Variants in NPHP3 observed in about 807,000 individuals in gnomAD.
The protein encoded by NPHP3 is nephrocystin 3.
In NPHP3, 123 loss-of-function variants were observed where a neutral mutation model predicts 171.9. The ratio of observed to expected loss-of-function variants is 0.72; its 90% CI spans 0.62 to 0.83. NPHP3 has a LOEUF of 0.83. Ranked by LOEUF, NPHP3 falls within the 40% of genes least tolerant of loss-of-function variation. The pLI is 0.00. For synonymous variants in NPHP3, 558 were observed against 579.2 expected (o/e 0.96, Z 0.52); for missense variants, 1,506 against 1,591.9 (o/e 0.95, Z 0.92).
In NPHP3 at chr3:132,681,343, A is replaced by C. The variant is rs1302769544; in HGVS notation, c.*567T>G. Reference sequence around the variant, plus strand: ...AACTGGCACAATCTCAGCTCATAGCAACCTCCACTTGCTGAGTTCAAGCGA... The same window carrying C: ...AACTGGCACAATCTCAGCTCATAGCCACCTCCACTTGCTGAGTTCAAGCGA... On this transcript the variant is annotated 3_prime_UTR_variant, in exon 27 of 27. Coordinates refer to ENST00000337331, the MANE Select transcript of NPHP3 (RefSeq NM_153240.5). 2.6e-5 allele frequency: 4 copies of C among 152,274 alleles called. No individual in the cohort carries two copies. Among genetic ancestry groups the C allele is most frequent in the African/African-American group, 9.9e-5 (4 of 40,450 alleles). 9.4% of individuals were successfully genotyped at this position (152,274 alleles called of 1,614,324 possible). A position where few individuals can be genotyped will look rare whatever the true frequency, so the allele number is the denominator to read the frequency against.
rs1333576260 is a variant in NPHP3 at position 132,683,456 on chromosome 3, T to C, written c.3639A>G (p.Pro1213=). 6.2e-7 allele frequency: 1 copy of C among 1,613,300 alleles called. No individual in the cohort carries two copies. Among genetic ancestry groups the C allele is most frequent in the East Asian group, 2.2e-5 (1 of 44,810 alleles). ...AGGCAGTAGCTACACTAGGGTGCTT[T>C]GGGCCAAAAGATTTCTGTCGAATTT... The part of the protein sequence containing the change: ...AVEIRQKSFG[P]KHPSVATALV... The change falls in exon 25 of 27, where the codon CCA becomes CCG. Residue 1213 remains proline (P), a synonymous_variant. Transcript: ENST00000337331.
In NPHP3 at chr3:132,722,234, A is replaced by T; in HGVS notation, c.122T>A (p.Leu41Gln). The change falls in exon 1 of 27, where the codon CTG becomes CAG. Residue 41 changes from leucine to glutamine, a missense_variant. Transcript: ENST00000337331. Reference protein sequence around the residue: ...PVEVKPKARLLRNSFRRGAGA... With the variant: ...PVEVKPKARLQRNSFRRGAGA... ...CGCGCCTCGGCGGAACGAGTTGCGC[A>T]GCAGGCGGGCCTTGGGCTTCACCTC... 6.4e-7 allele frequency: 1 copy of T among 1,556,250 alleles called. No individual in the cohort carries two copies. The highest frequency in any genetic ancestry group is 8.6e-7 in the Non-Finnish European group (1 of 1,161,436).
At chr3:132,716,668 G>T (rs1940060452) in intron 4 of NPHP3, 89 bp downstream of exon 4, 1 of 1,405,412 alleles carries the variant, frequency 7.1e-7, no homozygotes. Flanking sequence ...TTCATGCTTT[G>T]CTAATGGTAT....
chr3:132,699,894 T>C, intron 12 of NPHP3, 24 bp downstream of exon 12: 2 of 1,612,238 alleles, frequency 1.2e-6, no homozygotes, highest in Non-Finnish European at 1.7e-6. Context: ...AGCATATCAA[T>C]AGGTAACAAA....
At chr3:132,703,909 T>C (rs530359429) in intron 9 of NPHP3, among the ~76,000 whole-genome samples, 2 of 152,314 alleles carry the variant, frequency 1.3e-5, no homozygotes, top group African/African-American at 4.8e-5. Context: ...TCAAGTTTCC[T>C]AGCTATCCTA....
chr3:132,707,983 C>T, intron 7 of NPHP3, 118 bp downstream of exon 7: 3 of 962,962 alleles, frequency 3.1e-6, no homozygotes, highest in African/African-American at 1.6e-5. Context: ...TTATCTGTTC[C>T]AGCCACACTG....
chr3:132,721,387 C>A, intron 1 of NPHP3: 1 of 177,518 alleles, frequency 5.6e-6, no homozygotes, highest in Non-Finnish European at 1.2e-5. Flanking sequence ...ATGTCAAGAC[C>A]ATTAAAATGC....
At chr3:132,692,437 T>C (rs758195288) in intron 17 of NPHP3, among the ~76,000 whole-genome samples, 1 of 152,250 alleles carries the variant, frequency 6.6e-6, no homozygotes, top group Admixed American at 6.5e-5. Flanking sequence ...ATTTTAAAAA[T>C]TGTATTGTGG....
chr3:132,692,615 T>C (rs752064214), intron 17 of NPHP3, 39 bp downstream of exon 17: 3 of 1,588,236 alleles, frequency 1.9e-6, no homozygotes, highest in Non-Finnish European at 2.6e-6. Flanking sequence ...ACCCTGTTTC[T>C]TAAATAAATA....
chr3:132,684,626 T>A lies in NPHP3; in HGVS notation c.3498A>T (p.Arg1166Ser). The change falls in exon 24 of 27, where the codon AGA (arginine) becomes AGT (serine). Residue 1166 changes from arginine (R) to serine (S), a missense_variant. Coordinates refer to ENST00000337331, the MANE Select transcript of NPHP3 (RefSeq NM_153240.5). ...AAGGGTGATCAGGAGCTAATGCACG[T>A]CTCCGAATATCTAAAGCTCTTTCAT... Reference protein sequence around the residue: ...ELYERALDIRRRALAPDHPSL... With the variant: ...ELYERALDIRSRALAPDHPSL... 1.2e-6 allele frequency: 2 copies of A among 1,614,050 alleles called. No individual in the cohort carries two copies. Among genetic ancestry groups the A allele is most frequent in the Non-Finnish European group, 1.7e-6 (2 of 1,179,928 alleles).
intron 12 of NPHP3, 35 bp from the exon 13 acceptor site, chr3:132,699,485 T>C: frequency 7.5e-7 from 1 of 1,329,002 alleles, no homozygotes; most frequent in African/African-American, 1.5e-5. Flanking sequence ...AATCTATTAA[T>C]CAAAATATTT....
chr3:132,694,855 T>A lies in NPHP3; in HGVS notation c.2282A>T (p.Asn761Ile). 6.2e-7 allele frequency: 1 copy of A among 1,613,708 alleles called. No homozygotes were observed. The change falls in exon 16 of 27, where the codon AAT becomes ATT. Residue 761 changes from asparagine to isoleucine, a missense_variant. Asn to Ile is a moderately radical substitution (Grantham distance 149, BLOSUM62 -3). This residue lies in a region of NPHP3 where 930 missense variants were observed against 924.9 expected (regional missense o/e 1.01). Coordinates refer to ENST00000337331, the MANE Select transcript of NPHP3 (RefSeq NM_153240.5). ...CTTCATTAGCTCTTTATCCACATCATTTGCCATGGACTCCCGGATAGAGTG... is the reference window on the plus strand; with the variant it reads ...CTTCATTAGCTCTTTATCCACATCAATTGCCATGGACTCCCGGATAGAGTG... Reference protein sequence around the residue: ...VLHSIRESMANDVDKELMKQI... With the variant: ...VLHSIRESMAIDVDKELMKQI...
chr3:132,699,782 T>C (rs1939557771), intron 12 of NPHP3, 136 bp downstream of exon 12: 1 of 950,008 alleles, frequency 1.1e-6, no homozygotes, highest in South Asian at 1.5e-5. Flanking sequence ...CCATGTTACC[T>C]CCCTAGAAAT....
Position 132,704,317 on chromosome 3 carries a change from C to T in NPHP3, c.1405G>A (p.Asp469Asn), listed in dbSNP as rs1343247094. The change falls in exon 9 of 27, where the codon GAT becomes AAT. Residue 469 changes from aspartate (D) to asparagine (N), a missense_variant. Physicochemically the swap from Asp to Asn is conservative, Grantham distance 23. Transcript: ENST00000337331. The part of the protein sequence containing the change: ...DLETKDLGSE[D>N]SIPEEDDFGD... ...AAATCATCTTCTTCTGGAATGGAAT[C>T]CTCACTGCCCAAATCCTTAGTCTCC... 6.2e-7 allele frequency: 1 copy of T among 1,614,166 alleles called. No individual in the cohort carries two copies. The highest frequency in any genetic ancestry group is 1.7e-5 in the Admixed American group (1 of 60,022).
intron 15 of NPHP3, 48 bp downstream of exon 15, chr3:132,696,683 A>C (rs1939461414): frequency 6.5e-7 from 1 of 1,537,570 alleles, no homozygotes; most frequent in Non-Finnish European, 9.0e-7. Flanking sequence ...AAGGGTCTGC[A>C]GCAAACACAA....
At position 132,682,778 on chromosome 3, in the gene NPHP3, A is replaced by C; in HGVS notation, c.3737T>G (p.Leu1246Ter). ...ACCCAGGCTATCTTCATAAATCTTT[A>C]ATGCTCTTTCATATAATGGCAAAGC... ...VEALPLYERA[L>*]KIYEDSLGRM... is the part of the protein sequence containing the mutation. The change falls in exon 26 of 27, where the codon TTA (leucine) becomes TGA (stop). Residue 1246 changes from leucine to a stop codon, truncating the protein, a stop_gained. Coordinates refer to ENST00000337331, the MANE Select transcript of NPHP3 (RefSeq NM_153240.5). LOFTEE classifies it high-confidence loss of function. 1 of 1,613,182 alleles carries C rather than the reference A, an allele frequency of 6.2e-7. No homozygotes were observed. Among genetic ancestry groups the C allele is most frequent in the Non-Finnish European group, 8.5e-7 (1 of 1,179,156 alleles).
chr3:132,684,845 G>A, intron 23 of NPHP3, 51 bp from the exon 24 acceptor site: 1 of 1,599,172 alleles, frequency 6.3e-7, no homozygotes, highest in Non-Finnish European at 8.5e-7. Context: ...CTAGAGTTTG[G>A]AATCCTGACC....
chr3:132,682,986 A>G (rs918547915), intron 25 of NPHP3, among the ~76,000 whole-genome samples, 168 bp from the exon 26 acceptor site: 4 of 152,232 alleles, frequency 2.6e-5, no homozygotes, highest in African/African-American at 9.6e-5. Context: ...AGTATAATAG[A>G]AAGTCAGATA....
chr3:132,682,944 C>A (rs1283455325), intron 25 of NPHP3, 126 bp from the exon 26 acceptor site: 7 of 685,336 alleles, frequency 1.0e-5, no homozygotes, highest in Non-Finnish European at 1.8e-5. Context: ...TGGGAATAAA[C>A]AGATTAACTT....
Sources: gnomAD v4.1 joint callset for allele counts (sites outside exome capture counted in the v4.1 genomes callset) on GRCh38, gnomAD v4.1.1 for gene constraint, gnomAD v4.1.1 regional missense constraint, MANE v1.5 for transcripts, NCBI Gene and HGNC (gene_info 2026-07-23, HGNC 2026-07-21) for gene names.